Variants in GABPB1 observed in about 807,000 individuals in gnomAD.
GABPB1 encodes the protein GA binding protein transcription factor subunit beta 1, also known as GA-binding protein subunit beta-1.
Under a neutral mutation model 45.9 loss-of-function variants are expected in GABPB1, and 15 were observed. The ratio of observed to expected loss-of-function variants is 0.33; its 90% CI spans 0.22 to 0.50. The LOEUF is 0.50. GABPB1 is among the 20% of genes least tolerant of loss of function. The pLI, the probability that GABPB1 is intolerant of heterozygous loss-of-function variation, is 0.98. For synonymous variants in GABPB1, 143 were observed against 154.4 expected, an observed-to-expected ratio of 0.93 and a Z score of 0.55; for missense variants, 252 against 457.5, an observed-to-expected ratio of 0.55 and a Z score of 4.10.
chr15:50,329,919 T>TTC (rs3985832), intron 1 of GABPB1, among the ~76,000 whole-genome samples: 5 of 151,640 alleles, frequency 3.3e-5, no homozygotes, highest in Non-Finnish European at 1.5e-5. Context: ...TTTTTTTTTT[T>TTC]CCCTGAAGGC....
In GABPB1 at chr15:50,339,679, TATAA is replaced by T. The variant is rs1339684345; in HGVS notation, c.-1+15302_-1+15305del. ...TAATTTTCTAAAAATTAACTCAGAA[TATAA>T]ATGTCTACAGATAAAAAATATTTAT... On this transcript the variant is annotated intron_variant, in intron 1 of 8. Transcript: ENST00000380877. Among the ~76,000 whole-genome samples, 4 of 152,188 alleles carry T rather than the reference TATAA, an allele frequency of 2.6e-5. No homozygotes were observed. The East Asian group carries it at 5.8e-4, about 22-fold the overall frequency.
chr15:50,327,267 C>T (rs2047803045), intron 1 of GABPB1: 1 of 152,000 alleles, frequency 6.6e-6, no homozygotes, highest in Non-Finnish European at 1.5e-5. Flanking sequence ...ATATTCTGCT[C>T]AAAAAAAGAA....
chr15:50,346,818 C>T (rs1194784359), intron 1 of GABPB1, among the ~76,000 whole-genome samples: 1 of 145,462 alleles, frequency 6.9e-6, no homozygotes, highest in African/African-American at 2.6e-5. Context: ...GACAGAGTCT[C>T]ACTCTGTCGC....
intron 6 of GABPB1, among the ~76,000 whole-genome samples, chr15:50,297,566 C>A (rs970179672): frequency 6.6e-6 from 1 of 152,024 alleles, no homozygotes; most frequent in Non-Finnish European, 1.5e-5. Flanking sequence ...CACTATGGGC[C>A]GGGTGCAGTG....
At chr15:50,340,285 T>C in intron 1 of GABPB1, among the ~76,000 whole-genome samples, 1 of 152,182 alleles carries the variant, frequency 6.6e-6, no homozygotes, top group Non-Finnish European at 1.5e-5. Context: ...GTCACTAGTT[T>C]ATATTTTGTT....
chr15:50,284,736 C>T (rs994003840), intron 8 of GABPB1, among the ~76,000 whole-genome samples: 13 of 151,976 alleles, frequency 8.6e-5, no homozygotes, highest in South Asian at 4.2e-4. Flanking sequence ...ATAGTTAAAG[C>T]GAAGTACATG....
intron 1 of GABPB1, chr15:50,346,382 A>G (rs2048579285): frequency 6.6e-6 from 1 of 152,190 alleles, no homozygotes; most frequent in Non-Finnish European, 1.5e-5. Context: ...CTTCCTCCAC[A>G]AATATGCTGT....
chr15:50,300,161 G>A (rs910602753), intron 6 of GABPB1, among the ~76,000 whole-genome samples: 1 of 152,110 alleles, frequency 6.6e-6, no homozygotes, highest in Non-Finnish European at 1.5e-5. Flanking sequence ...AGCCAAATTA[G>A]AGACAGGGAC....
chr15:50,327,648 A>T (rs576074672), intron 1 of GABPB1, among the ~76,000 whole-genome samples: 2 of 152,328 alleles, frequency 1.3e-5, no homozygotes, highest in South Asian at 4.1e-4. Context: ...TCATGCCTGT[A>T]ATCCCAGCAC....
At chr15:50,298,485 T>A (rs1213580376) in intron 6 of GABPB1, among the ~76,000 whole-genome samples, 1 of 152,228 alleles carries the variant, frequency 6.6e-6, no homozygotes, top group Non-Finnish European at 1.5e-5. Context: ...TGCAATTACA[T>A]AAGTATTAAA....
At chr15:50,329,369 G>GCTTAGCTTCTTTGATTTTATA (rs1343791589) in intron 1 of GABPB1, among the ~76,000 whole-genome samples, 1 of 152,118 alleles carries the variant, frequency 6.6e-6, no homozygotes, top group Non-Finnish European at 1.5e-5. Flanking sequence ...TAGGTTTTGT[G>GCTTAGCTTCTTTGATTTTATA]CTTAGCTTCT....
chr15:50,300,997 G>A, intron 5 of GABPB1, 95 bp from the exon 6 acceptor site: 7 of 851,884 alleles, frequency 8.2e-6, no homozygotes, highest in Non-Finnish European at 1.3e-5. Context: ...CTTAAACAAA[G>A]CTTGGATAGC....
At chr15:50,329,046 G>C (rs192369954) in intron 1 of GABPB1, among the ~76,000 whole-genome samples, 1 of 152,156 alleles carries the variant, frequency 6.6e-6, no homozygotes, top group Non-Finnish European at 1.5e-5. Context: ...GCCAAGGAGA[G>C]CCTTTTCGAT....
chr15:50,324,198 C>A (rs8034849), intron 1 of GABPB1, among the ~76,000 whole-genome samples: 42,725 of 139,870 alleles, frequency 0.31, 7,447 homozygotes, highest in Middle Eastern at 0.44. Flanking sequence ...AATAAGACCT[C>A]ATCTCAAAAA....
intron 4 of GABPB1, 49 bp downstream of exon 4, chr15:50,302,880 G>A: frequency 7.9e-7 from 1 of 1,265,756 alleles, no homozygotes; most frequent in Non-Finnish European, 1.1e-6. Context: ...TCCCTCTACT[G>A]ATAAGGCTTC....
At chr15:50,317,836 G>A (rs545248524) in intron 1 of GABPB1, among the ~76,000 whole-genome samples, 1 of 151,896 alleles carries the variant, frequency 6.6e-6, no homozygotes, top group Non-Finnish European at 1.5e-5. Flanking sequence ...GCGAACCCGG[G>A]AGGCGGAGCT....
At chr15:50,326,242 G>A (rs2047757973) in intron 1 of GABPB1, among the ~76,000 whole-genome samples, 1 of 152,136 alleles carries the variant, frequency 6.6e-6, no homozygotes, top group East Asian at 1.9e-4. Context: ...GGCCAGACAT[G>A]GTGGTTCATG....
At chr15:50,302,802 A>G (rs1030506246) in intron 4 of GABPB1, 127 bp downstream of exon 4, 6 of 642,172 alleles carry the variant, frequency 9.3e-6, no homozygotes, top group Non-Finnish European at 1.6e-5. Context: ...AAAAAGGCCT[A>G]TCCAAAATAA....
chr15:50,307,439 C>T (rs2046986311), intron 2 of GABPB1, among the ~76,000 whole-genome samples: 1 of 152,046 alleles, frequency 6.6e-6, no homozygotes, highest in Admixed American at 6.6e-5. Context: ...GATACTAATC[C>T]TTCTTAAGAT....
Sources: gnomAD v4.1 joint callset for allele counts (sites outside exome capture counted in the v4.1 genomes callset) on GRCh38, gnomAD v4.1.1 for gene constraint, MANE v1.5 for transcripts, NCBI Gene and HGNC (gene_info 2026-07-23, HGNC 2026-07-21) for gene names.